The following LRRFIP1 variants were observed in gnomAD, a reference collection of about 807,000 sequenced individuals.
LRRFIP1 encodes the protein leucine-rich repeat flightless-interacting protein 1.
Under a neutral mutation model 104.4 loss-of-function variants are expected in LRRFIP1, and 62 were observed. The ratio of observed to expected loss-of-function variants is 0.59; its 90% CI spans 0.48 to 0.73. LRRFIP1 has a LOEUF of 0.73. Ranked by LOEUF, LRRFIP1 falls within the 30% of genes least tolerant of loss-of-function variation. The pLI is 0.00. For synonymous variants in LRRFIP1, 300 were observed against 299.0 expected (o/e 1.00, Z -0.03); for missense variants, 796 against 824.5 (o/e 0.97, Z 0.42).
rs1026830737 is a variant in LRRFIP1 at position 237,691,062 on chromosome 2, C to T, written c.97-17482C>T. Among the ~76,000 whole-genome samples the T allele has an allele frequency of 2.3e-4, 35 of 151,724 alleles. No individual in the cohort carries two copies. The highest frequency in any genetic ancestry group is 8.3e-4 in the African/African-American group (34 of 41,000). On this transcript the variant is annotated intron_variant, in intron 1 of 23. Coordinates refer to ENST00000308482, the MANE Select transcript of LRRFIP1 (RefSeq NM_001137550.2). This position sits in a 1 kb window ranked among gnomAD's most constrained non-coding sequence, Gnocchi z 5.4. The stretch of plus-strand genomic sequence containing the variant: ...CTGCCCTGAAGCCCTGGGCCCGGGT[C>T]ACGGCGGGAAGGTGAGTGCTCACAG...
chr2:237,627,844 C>T (rs1574959292), intron 1 of LRRFIP1, 104 bp downstream of exon 1: 2 of 750,978 alleles, frequency 2.7e-6, no homozygotes, highest in South Asian at 1.3e-4. Context: ...GCGTCTGTGC[C>T]ACTGCGCGTC....
intron 8 of LRRFIP1, chr2:237,729,740 G>A: frequency 1.0e-6 from 1 of 963,646 alleles, no homozygotes; most frequent in Non-Finnish European, 1.2e-6. Flanking sequence ...TCGTAAGGAA[G>A]TGCTTGTCAC....
At position 237,733,837 on chromosome 2, in the gene LRRFIP1, C is replaced by T. The variant is rs530609017; in HGVS notation, c.489+19C>T. ...TTACCGGGTGCGTGTGCTGCCCACCCTGCTGCCCCGCACCCCCTCCCACTG... is the reference window on the plus strand; with the variant it reads ...TTACCGGGTGCGTGTGCTGCCCACCTTGCTGCCCCGCACCCCCTCCCACTG... On this transcript the variant is annotated intron_variant, in intron 9 of 23. Transcript: ENST00000308482. 14 of 1,613,730 alleles carry T rather than the reference C, an allele frequency of 8.7e-6. No individual in the cohort carries two copies. In the East Asian group the frequency reaches 2.9e-4, roughly 33 times the overall value.
intron 5 of LRRFIP1, 147 bp from the exon 6 acceptor site, chr2:237,720,625 G>A: frequency 1.5e-6 from 1 of 646,452 alleles, no homozygotes. Context: ...ACCTAGACTG[G>A]TGTCCCCTGA....
At position 237,717,692 on chromosome 2, in the gene LRRFIP1, A is replaced by G; in HGVS notation, c.202-70A>G. On this transcript the variant is annotated intron_variant, in intron 3 of 23. Transcript: ENST00000308482. The surrounding 1 kb of genome is among the most constrained non-coding windows in gnomAD (Gnocchi z 4.2). ...GCGGTTTGGAAATGCATGTCAGAAC[A>G]GTGCCTTAGACAACTGCCTTTTTAA... The G allele has an allele frequency of 1.7e-6, 2 of 1,155,668 alleles. No individual in the cohort carries two copies. The highest frequency in any genetic ancestry group is 2.3e-5 in the East Asian group (1 of 42,820). The allele number at this position is 1,155,668 out of a possible 1,614,324, so 71.6% of individuals were successfully genotyped here.
At chr2:237,688,244 C>T (rs376548527) in intron 1 of LRRFIP1, among the ~76,000 whole-genome samples, 1 of 152,080 alleles carries the variant, frequency 6.6e-6, no homozygotes, top group East Asian at 1.9e-4. Flanking sequence ...CCAGTGATGT[C>T]GGGAGGTCAG....
intron 1 of LRRFIP1, among the ~76,000 whole-genome samples, chr2:237,680,674 G>T (rs1284181268): frequency 1.3e-5 from 2 of 152,188 alleles, no homozygotes; most frequent in Non-Finnish European, 2.9e-5. Flanking sequence ...GGGGAAGGTT[G>T]GTTGAAAGCT....
chr2:237,677,038 A>G (rs890625990), intron 1 of LRRFIP1, among the ~76,000 whole-genome samples: 28 of 152,236 alleles, frequency 1.8e-4, no homozygotes, highest in Non-Finnish European at 1.5e-4. Flanking sequence ...TTGTGCTAAA[A>G]TACACATAAC....
intron 2 of LRRFIP1, among the ~76,000 whole-genome samples, chr2:237,712,420 C>T (rs1350774688): frequency 6.6e-6 from 1 of 152,220 alleles, no homozygotes; most frequent in Non-Finnish European, 1.5e-5. Context: ...TAATCCTAGT[C>T]ACTTTCCAAG....
intron 11 of LRRFIP1, among the ~76,000 whole-genome samples, chr2:237,739,759 C>T (rs2095358653): frequency 6.6e-6 from 1 of 152,102 alleles, no homozygotes; most frequent in Admixed American, 6.5e-5. Context: ...TCCTGCTTGT[C>T]ACTCAGCGTG....
chr2:237,731,460 A>G (rs983870084), intron 8 of LRRFIP1, among the ~76,000 whole-genome samples: 1 of 151,644 alleles, frequency 6.6e-6, no homozygotes, highest in Non-Finnish European at 1.5e-5. Flanking sequence ...CCAGTCTGTA[A>G]TAAATCCCCC....
chr2:237,774,127 C>T (rs2279642), intron 22 of LRRFIP1: 134,612 of 491,066 alleles, frequency 0.27, 20,469 homozygotes, highest in East Asian at 0.56. Flanking sequence ...CCCTGGTGGA[C>T]GGGGTCAGAG....
At chr2:237,705,318 C>T (rs879582808) in intron 1 of LRRFIP1, among the ~76,000 whole-genome samples, 20 of 152,150 alleles carry the variant, frequency 1.3e-4, no homozygotes, top group East Asian at 3.9e-4. Context: ...CACAATTCAG[C>T]GGCTTAGAAT....
At chr2:237,724,807 T>A (rs141483334) in intron 7 of LRRFIP1, among the ~76,000 whole-genome samples, 1 of 149,984 alleles carries the variant, frequency 6.7e-6, no homozygotes, top group Non-Finnish European at 1.5e-5. Flanking sequence ...ACATTTTGGA[T>A]TTTTTTTTTC....
intron 1 of LRRFIP1, among the ~76,000 whole-genome samples, chr2:237,702,348 AGAC>A (rs2093584012): frequency 6.6e-6 from 1 of 152,176 alleles, no homozygotes; most frequent in South Asian, 2.1e-4. Flanking sequence ...TCTTGCTGTA[AGAC>A]CTAGTTCCTG....
At chr2:237,720,221 A>G (rs942174032) in intron 5 of LRRFIP1, among the ~76,000 whole-genome samples, 23 of 151,902 alleles carry the variant, frequency 1.5e-4, no homozygotes, top group Non-Finnish European at 3.4e-4. Flanking sequence ...TGCTGGGATT[A>G]CAGGCATGAG....
intron 14 of LRRFIP1, among the ~76,000 whole-genome samples, chr2:237,752,697 G>A (rs757907014): frequency 2.0e-5 from 3 of 152,224 alleles, no homozygotes; most frequent in Non-Finnish European, 4.4e-5. Context: ...TATTTTACAG[G>A]CCTCTTTCTC....
chr2:237,659,732 C>T (rs80286878), intron 1 of LRRFIP1, among the ~76,000 whole-genome samples: 2,247 of 151,980 alleles, frequency 0.015, 31 homozygotes, highest in Non-Finnish European at 0.023. Context: ...TGCCTCGCTC[C>T]TGGGCTCAAG....
chr2:237,638,745 G>A (rs532487623), intron 1 of LRRFIP1, among the ~76,000 whole-genome samples: 9 of 152,330 alleles, frequency 5.9e-5, no homozygotes, highest in South Asian at 4.1e-4. Flanking sequence ...TGGGGCTGCC[G>A]TGTCGACCAG....
Sources: allele counts gnomAD v4.1 joint callset (sites outside exome capture counted in the v4.1 genomes callset), GRCh38; gene constraint gnomAD v4.1.1; non-coding constraint Gnocchi (gnomAD v3.1); transcripts MANE v1.5; gene names NCBI Gene and HGNC (gene_info 2026-07-23, HGNC 2026-07-21).